Variants in PRKG1 observed in about 807,000 individuals in gnomAD.
The protein encoded by PRKG1 is protein kinase cGMP-dependent 1.
A neutral mutation model predicts 88.1 loss-of-function variants in PRKG1; 35 were observed. The observed-to-expected ratio is 0.40, with a 90% CI of 0.30 to 0.53. PRKG1 has a LOEUF of 0.53. PRKG1 is among the 20% of genes least tolerant of loss of function. The probability of loss-of-function intolerance (pLI) is 0.59; values close to 1 mark genes in which losing one functional copy is unlikely to be tolerated. For synonymous variants in PRKG1, 303 were observed against 292.5 expected (o/e 1.04, Z -0.37); for missense variants, 540 against 839.8 (o/e 0.64, Z 4.41).
At chr10:51,101,755 G>T (rs1655460209) in intron 1 of PRKG1, among the ~76,000 whole-genome samples, 1 of 152,158 alleles carries the variant, frequency 6.6e-6, no homozygotes, top group Admixed American at 6.6e-5. Context: ...AGAAACTTCT[G>T]ATTATCAGAC....
intron 2 of PRKG1, among the ~76,000 whole-genome samples, chr10:51,407,503 T>C (rs1186952082): frequency 6.6e-6 from 1 of 152,208 alleles, no homozygotes; most frequent in Non-Finnish European, 1.5e-5. Flanking sequence ...ACCGACATGT[T>C]TTTAACAAAA....
intron 3 of PRKG1, among the ~76,000 whole-genome samples, chr10:51,763,711 T>G (rs1052150462): frequency 1.3e-5 from 2 of 152,224 alleles, no homozygotes; most frequent in Middle Eastern, 3.4e-3. Flanking sequence ...CTGTTGCTTA[T>G]AGCAGAATAC....
At chr10:51,481,837 T>C (rs2132849182) in intron 3 of PRKG1, among the ~76,000 whole-genome samples, 1 of 152,266 alleles carries the variant, frequency 6.6e-6, no homozygotes, top group South Asian at 2.1e-4. Flanking sequence ...TTGAAATGAT[T>C]TTTAAGTATC....
At chr10:51,675,472 A>T (rs1475680722) in intron 3 of PRKG1, among the ~76,000 whole-genome samples, 1 of 152,206 alleles carries the variant, frequency 6.6e-6, no homozygotes, top group Non-Finnish European at 1.5e-5. Flanking sequence ...AAACACCATT[A>T]AGTCTAAAAA....
chr10:51,064,092 ATAT>A (rs1168699586), intron 1 of PRKG1, among the ~76,000 whole-genome samples: 3 of 152,130 alleles, frequency 2.0e-5, no homozygotes, highest in African/African-American at 7.2e-5. Context: ...TTTGCTAAAA[ATAT>A]TATTTTTAAC....
At chr10:52,132,906 G>A (rs950126656) in intron 7 of PRKG1, among the ~76,000 whole-genome samples, 1 of 152,074 alleles carries the variant, frequency 6.6e-6, no homozygotes, top group Non-Finnish European at 1.5e-5. Context: ...ACACTGTGGA[G>A]AACGGGGTAT....
At chr10:51,235,635 T>C (rs1477490247) in intron 2 of PRKG1, among the ~76,000 whole-genome samples, 1 of 152,190 alleles carries the variant, frequency 6.6e-6, no homozygotes, top group African/African-American at 2.4e-5. Context: ...TAAAATACAA[T>C]TCTAGATGCT....
At chr10:52,104,345 G>C (rs980759164) in intron 7 of PRKG1, among the ~76,000 whole-genome samples, 6 of 151,740 alleles carry the variant, frequency 4.0e-5, no homozygotes, top group Admixed American at 2.0e-4. Flanking sequence ...AGTCATTTAG[G>C]GCCTTTAAAA....
intron 9 of PRKG1, among the ~76,000 whole-genome samples, chr10:52,169,180 AG>A (rs1325805103): frequency 6.6e-6 from 1 of 152,172 alleles, no homozygotes. Context: ...GAAAGGTAGA[AG>A]GAACACCACA....
intron 1 of PRKG1, among the ~76,000 whole-genome samples, chr10:50,993,328 T>C (rs957542611): frequency 1.1e-4 from 17 of 152,202 alleles, no homozygotes; most frequent in Admixed American, 9.2e-4. Flanking sequence ...ACATTCCACT[T>C]ACGAATTAAC....
intron 3 of PRKG1, among the ~76,000 whole-genome samples, chr10:51,703,426 C>G (rs1367283195): frequency 1.3e-5 from 2 of 152,094 alleles, no homozygotes; most frequent in African/African-American, 4.8e-5. Flanking sequence ...TACCCTTTCC[C>G]CTAGGTTAGA....
chr10:51,099,291 C>A (rs1219938680), intron 1 of PRKG1, among the ~76,000 whole-genome samples: 1 of 151,956 alleles, frequency 6.6e-6, no homozygotes, highest in Non-Finnish European at 1.5e-5. Flanking sequence ...TATTTTTACA[C>A]TTTATACAGT....
At chr10:51,145,856 G>A (rs545758672) in intron 1 of PRKG1, among the ~76,000 whole-genome samples, 237 of 152,240 alleles carry the variant, frequency 1.6e-3, no homozygotes, top group African/African-American at 5.6e-3. Context: ...TGTATTTTTA[G>A]TTTTAGAGAA....
chr10:51,289,344 A>G (rs1840523717), intron 2 of PRKG1, among the ~76,000 whole-genome samples: 1 of 152,132 alleles, frequency 6.6e-6, no homozygotes, highest in Non-Finnish European at 1.5e-5. Flanking sequence ...TGCTTCTCCT[A>G]AGGCTACTAT....
chr10:51,521,030 C>T (rs1841722934), intron 3 of PRKG1, among the ~76,000 whole-genome samples: 1 of 152,242 alleles, frequency 6.6e-6, no homozygotes, highest in South Asian at 2.1e-4. Context: ...GTGGCTCACG[C>T]CTGTAATCCC....
At chr10:51,409,611 C>T (rs950778800) in intron 2 of PRKG1, among the ~76,000 whole-genome samples, 3 of 151,796 alleles carry the variant, frequency 2.0e-5, no homozygotes, top group Non-Finnish European at 2.9e-5. Context: ...AATACCAACA[C>T]GGGGAGGCTG....
chr10:51,146,641 T>G (rs1004497010), intron 1 of PRKG1, among the ~76,000 whole-genome samples: 1 of 152,150 alleles, frequency 6.6e-6, no homozygotes, highest in Non-Finnish European at 1.5e-5. Context: ...TCTTAAGACC[T>G]TTGCCTAGAC....
intron 1 of PRKG1, among the ~76,000 whole-genome samples, chr10:51,016,673 C>CTTTTTTTTTTTTTTTTTT (rs71029341): frequency 0.01 from 361 of 35,158 alleles, 108 homozygotes; most frequent in Middle Eastern, 0.024. Context: ...ATTATCCTTT[C>CTTTTTTTTTTTTTTTTTT]TTTTTTTTTT....
intron 3 of PRKG1, among the ~76,000 whole-genome samples, chr10:51,492,471 A>AC (rs1374653885): frequency 5.3e-5 from 8 of 152,280 alleles, no homozygotes; most frequent in African/African-American, 1.9e-4. Flanking sequence ...AGATAAGATG[A>AC]TTAAGTCCAA....
Sources: allele counts gnomAD v4.1 joint callset (sites outside exome capture counted in the v4.1 genomes callset), GRCh38; gene constraint gnomAD v4.1.1; transcripts MANE v1.5; gene names NCBI Gene and HGNC (gene_info 2026-07-23, HGNC 2026-07-21).